SRXN1: variants seen among roughly 807,000 people sequenced by gnomAD.
The protein encoded by SRXN1 is sulfiredoxin-1.
SRXN1 carries 11 observed loss-of-function variants against 11.0 expected under a neutral mutation model. That is an observed-to-expected ratio of 1.00 (90% confidence interval 0.63 to 1.65). The LOEUF (loss-of-function observed/expected upper bound fraction) is 1.65. Among genes scored for constraint, SRXN1 ranks in the 40% most tolerant of loss-of-function variants. The probability of loss-of-function intolerance (pLI) is 0.00; values close to 1 mark genes in which losing one functional copy is unlikely to be tolerated. For missense variants in SRXN1, 211 were observed against 194.5 expected, an observed-to-expected ratio of 1.08 and a Z score of -0.50; for synonymous variants, 106 against 92.8, an observed-to-expected ratio of 1.14 and a Z score of -0.82.
intron 1 of SRXN1, 72 bp downstream of exon 1, chr20:652,904 G>GACCTCCCTCCTCCGGCA (rs140429049): frequency 7.6e-7 from 1 of 1,318,262 alleles, no homozygotes; most frequent in South Asian, 2.0e-5. Context: ...CCATCGCAGC[G>GACCTCCCTCCTCCGGCA]ACCTCCCTCC....
At chr20:652,806 CAG>C (rs1983706758) in intron 1 of SRXN1, among the ~76,000 whole-genome samples, 168 bp downstream of exon 1, 1 of 152,210 alleles carries the variant, frequency 6.6e-6, no homozygotes, top group Non-Finnish European at 1.5e-5. Flanking sequence ...AGTGAGGAAA[CAG>C]AGGCCCAGAG....
chr20:648,692 G>A lies in SRXN1; in HGVS notation c.*22C>T, dbSNP rs753458250. The A allele has an allele frequency of 1.4e-5, 23 of 1,613,174 alleles. No individual in the cohort carries two copies. Among genetic ancestry groups the A allele is most frequent in the Admixed American group, 3.3e-5 (2 of 59,992 alleles). ...TGTGTCTTCTGGGCTCTTGAAGGTG[G>A]CAGCAGGTGCCAAGGAGGCTGCTAC... On this transcript the variant is annotated 3_prime_UTR_variant, in exon 2 of 2. Transcript: ENST00000381962.
rs1303692080 is a variant in SRXN1 at position 648,352 on chromosome 20, T to C, written c.*362A>G. 1.0e-5 allele frequency: 5 copies of C among 481,828 alleles called. No homozygotes were observed. Among genetic ancestry groups the C allele is most frequent in the Non-Finnish European group, 2.0e-5 (5 of 244,490 alleles). 29.8% of individuals were successfully genotyped at this position (481,828 alleles called of 1,614,324 possible). A position where few individuals can be genotyped will look rare whatever the true frequency, so the allele number is the denominator to read the frequency against. On this transcript the variant is annotated 3_prime_UTR_variant, in exon 2 of 2. Transcript: ENST00000381962. Reference sequence around the variant, plus strand: ...AAACCACTGCAATCAAGGTTTTCCTTTCCTTGCAGCTGAATGTAGTCCATA... The same window carrying C: ...AAACCACTGCAATCAAGGTTTTCCTCTCCTTGCAGCTGAATGTAGTCCATA...
Position 653,140 on chromosome 20 carries a change from G to A in SRXN1, c.46C>T (p.Arg16Trp), listed in dbSNP as rs972201172. The change falls in exon 1 of 2, where the codon CGG becomes TGG. Residue 16 changes from arginine to tryptophan, a missense_variant. Arg to Trp is a moderately radical substitution (Grantham distance 101). Transcript: ENST00000381962. Reference sequence around the variant, plus strand: ...GGCCCGGGCCCCTCGGGCGCCCCCCGACCCGCGCCGGCCCTGCCCAGCGTT... The same window carrying A: ...GGCCCGGGCCCCTCGGGCGCCCCCCAACCCGCGCCGGCCCTGCCCAGCGTT... ...GGTLGRAGAG[R>W]GAPEGPGPSG... The A allele has an allele frequency of 4.7e-6, 6 of 1,282,690 alleles. No individual in the cohort carries two copies. Among genetic ancestry groups the A allele is most frequent in the Admixed American group, 8.0e-5 (2 of 24,956 alleles). 79.5% of individuals were successfully genotyped at this position (1,282,690 alleles called of 1,614,324 possible). A position where few individuals can be genotyped will look rare whatever the true frequency, so the allele number is the denominator to read the frequency against.
At position 648,125 on chromosome 20, in the gene SRXN1, T is replaced by G. The variant is rs1338669271; in HGVS notation, c.*589A>C. ...GTCCAGCTAGTTTGGCCCTTCCTCT[T>G]CCTCCACCCCTCCTTCCTTGAACGC... On this transcript the variant is annotated 3_prime_UTR_variant, in exon 2 of 2. Transcript: ENST00000381962. 2.2e-6 allele frequency: 1 copy of G among 456,240 alleles called. No individual in the cohort carries two copies. The highest frequency in any genetic ancestry group is 7.0e-5 in the East Asian group (1 of 14,380). 28.3% of individuals were successfully genotyped at this position (456,240 alleles called of 1,614,324 possible). A position where few individuals can be genotyped will look rare whatever the true frequency, so the allele number is the denominator to read the frequency against.
At position 651,027 on chromosome 20, in the gene SRXN1, A is replaced by G. The variant is rs114533372; in HGVS notation, c.210+1949T>C. ...GTCGAATGCCATTATCAGGGTCCTT[A>G]AAACTGGAAGAGGAAGTAGAGGAAG... On this transcript the variant is annotated intron_variant, in intron 1 of 1. Coordinates refer to ENST00000381962, the MANE Select transcript of SRXN1 (RefSeq NM_080725.3). 6.0e-4 allele frequency among the ~76,000 whole-genome samples: 92 copies of G among 152,374 alleles called. 1 individual carries two copies. Among genetic ancestry groups the G allele is most frequent in the African/African-American group, 2.0e-3 (85 of 41,590 alleles).
chr20:649,563 A>G (rs1983621175), intron 1 of SRXN1, among the ~76,000 whole-genome samples: 2 of 152,162 alleles, frequency 1.3e-5, no homozygotes, highest in Non-Finnish European at 2.9e-5. Flanking sequence ...TTAGCTGGGC[A>G]TGGTGGTGTA....
chr20:650,331 G>C (rs922638978), intron 1 of SRXN1, among the ~76,000 whole-genome samples: 3 of 152,214 alleles, frequency 2.0e-5, no homozygotes, highest in African/African-American at 7.2e-5. Context: ...GGGAGAGGTA[G>C]ACAGGTTTGG....
Position 648,819 on chromosome 20 carries a change from C to T in SRXN1, c.309G>A (p.Ala103=), listed in dbSNP as rs371093339. 3.0e-5 allele frequency: 49 copies of T among 1,614,060 alleles called. No individual in the cohort carries two copies. Among genetic ancestry groups the T allele is most frequent in the Non-Finnish European group, 3.5e-5 (41 of 1,180,046 alleles). ...TCTCTCGCTGCAGTTGCTGGTAGGC[C>T]GCGTAGCGGTGGCAGCCCCCAAAGG... ...FYSFGGCHRY[A]AYQQLQRETI... Residue 103 remains alanine, a synonymous_variant, in exon 2 of 2, where the codon GCG becomes GCA. Coordinates refer to ENST00000381962, the MANE Select transcript of SRXN1 (RefSeq NM_080725.3).
At chr20:649,759 G>C (rs1983627135) in intron 1 of SRXN1, among the ~76,000 whole-genome samples, 1 of 152,040 alleles carries the variant, frequency 6.6e-6, no homozygotes, top group Non-Finnish European at 1.5e-5. Flanking sequence ...CAACTGCCTG[G>C]GTTCAAATCT....
In SRXN1 at chr20:653,057, G is replaced by T; in HGVS notation, c.129C>A (p.Asn43Lys). 1 of 1,545,294 alleles carries T rather than the reference G, an allele frequency of 6.5e-7. No homozygotes were observed. Residue 43 changes from asparagine to lysine, a missense_variant, in exon 1 of 2, where the codon AAC (asparagine) becomes AAA (lysine). Transcript: ENST00000381962. ...GCCGGATGAGCACGCTCAGCGGCAC[G>T]TTGTGCACCGCGGCGATGCGGCCCG... ...IHSGRIAAVH[N>K]VPLSVLIRPL...
rs370966617 is a variant in SRXN1, at chr20:648,887, C to A, written c.241G>T (p.Val81Phe). The change falls in exon 2 of 2, where the codon GTC (valine) becomes TTC (phenylalanine). Residue 81 changes from valine (V) to phenylalanine (F), a missense_variant. Physicochemically the swap from Val to Phe is conservative, Grantham distance 50. Coordinates refer to ENST00000381962, the MANE Select transcript of SRXN1 (RefSeq NM_080725.3). ...EDPDSVPPID[V>F]LWIKGAQGGD... Reference sequence around the variant, plus strand: ...CCCTGGGCCCCTTTGATCCAGAGGACATCGATGGGGGGCACGCTGTCTGGG... The same window carrying A: ...CCCTGGGCCCCTTTGATCCAGAGGAAATCGATGGGGGGCACGCTGTCTGGG... The A allele has an allele frequency of 1.9e-6, 3 of 1,614,166 alleles. No individual in the cohort carries two copies. Among genetic ancestry groups the A allele is most frequent in the Middle Eastern group, 1.6e-4 (1 of 6,062 alleles).
rs1437333306 is a variant in SRXN1, at chr20:648,334, T to C, written c.*380A>G. ...ACAATCTTCTGTTTGTTTAAACCAC[T>C]GCAATCAAGGTTTTCCTTTCCTTGC... On this transcript the variant is annotated 3_prime_UTR_variant, in exon 2 of 2. Coordinates refer to ENST00000381962, the MANE Select transcript of SRXN1 (RefSeq NM_080725.3). The C allele has an allele frequency of 2.1e-6, 1 of 470,776 alleles. No individual in the cohort carries two copies. The highest frequency in any genetic ancestry group is 2.3e-5 in the Admixed American group (1 of 42,958). 29.2% of individuals were successfully genotyped at this position (470,776 alleles called of 1,614,324 possible).
At chr20:649,095 A>G (rs546841150) in intron 1 of SRXN1, among the ~76,000 whole-genome samples, 178 bp from the exon 2 acceptor site, 20 of 152,228 alleles carry the variant, frequency 1.3e-4, no homozygotes, top group Non-Finnish European at 2.8e-4. Context: ...TAGCTTGAAA[A>G]TCAGCCATGG....
rs1254723005 is a variant in SRXN1 at position 648,447 on chromosome 20, C to T, written c.*267G>A. On this transcript the variant is annotated 3_prime_UTR_variant, in exon 2 of 2. Transcript: ENST00000381962. ...GGAATTTGGAGCCGGCAGCACGTGG[C>T]TCTTCAAGCCCATCTCTGTTCTCCT... The T allele has an allele frequency of 9.6e-6, 6 of 627,212 alleles. No homozygotes were observed. Among genetic ancestry groups the T allele is most frequent in the Non-Finnish European group, 1.8e-5 (6 of 337,244 alleles). 38.9% of individuals were successfully genotyped at this position (627,212 alleles called of 1,614,324 possible). A position where few individuals can be genotyped will look rare whatever the true frequency, so the allele number is the denominator to read the frequency against.
intron 1 of SRXN1, among the ~76,000 whole-genome samples, chr20:650,786 C>T (rs901677323): frequency 6.6e-6 from 1 of 152,166 alleles, no homozygotes; most frequent in Non-Finnish European, 1.5e-5. Flanking sequence ...TGATGCCTAC[C>T]GGGCATTAGT....
At chr20:651,961 A>G (rs1872812349) in intron 1 of SRXN1, among the ~76,000 whole-genome samples, 1 of 152,264 alleles carries the variant, frequency 6.6e-6, no homozygotes, top group South Asian at 2.1e-4. Context: ...AGATGGGACG[A>G]GGTCCTCGCC....
chr20:648,009 C>A lies in SRXN1; in HGVS notation c.*705G>T, dbSNP rs569639548. The A allele has an allele frequency of 8.1e-5, 36 of 446,272 alleles. No homozygotes were observed. In the East Asian group the frequency reaches 2.2e-3, roughly 27 times the overall value. 27.6% of individuals were successfully genotyped at this position (446,272 alleles called of 1,614,324 possible). ...GCTAGAGGTGCAATGGTAGCTGGCTCGGGCCAAGGGCATCTAAGTGAAGAT... is the reference window on the plus strand; with the variant it reads ...GCTAGAGGTGCAATGGTAGCTGGCTAGGGCCAAGGGCATCTAAGTGAAGAT... On this transcript the variant is annotated 3_prime_UTR_variant, in exon 2 of 2. Transcript: ENST00000381962.
chr20:652,869 G>A (rs2122317102), intron 1 of SRXN1, 107 bp downstream of exon 1: 1 of 1,293,970 alleles, frequency 7.7e-7, no homozygotes, highest in Non-Finnish European at 9.9e-7. Context: ...GCTCCGGCTG[G>A]GCCCGGAACC....
Sources: allele counts gnomAD v4.1 joint callset (sites outside exome capture counted in the v4.1 genomes callset), GRCh38; gene constraint gnomAD v4.1.1; transcripts MANE v1.5; gene names NCBI Gene and HGNC (gene_info 2026-07-23, HGNC 2026-07-21).